Variants in CA5A observed in about 807,000 individuals in gnomAD.
The protein encoded by CA5A is carbonic anhydrase 5A, mitochondrial.
CA5A carries 28 observed loss-of-function variants against 37.1 expected under a neutral mutation model. The observed-to-expected ratio is 0.75, with a 90% confidence interval of 0.56 to 1.03. CA5A has a LOEUF of 1.03. CA5A is among the 50% of genes least tolerant of loss of function. The pLI is 0.00. For missense variants in CA5A, 444 were observed against 399.9 expected, an observed-to-expected ratio of 1.11 and a Z score of -0.94; for synonymous variants, 171 against 158.4, an observed-to-expected ratio of 1.08 and a Z score of -0.60.
chr16:87,908,013 C>T (rs1266380669), intron 2 of CA5A, among the ~76,000 whole-genome samples: 2 of 152,146 alleles, frequency 1.3e-5, no homozygotes, highest in Non-Finnish European at 2.9e-5. Context: ...AAGGGGTCAT[C>T]GAAGGCACAC....
At chr16:87,891,774 C>G in intron 6 of CA5A, 25 bp downstream of exon 6, 1 of 1,474,766 alleles carries the variant, frequency 6.8e-7, no homozygotes, top group East Asian at 2.7e-5. Context: ...GAAGCGCCAT[C>G]GTGCCAGTTA....
downstream of CA5A, chr16:87,887,879 C>T (rs753227234): frequency 4.7e-6 from 2 of 426,192 alleles, no homozygotes; most frequent in Non-Finnish European, 8.2e-6. Flanking sequence ...TGTGGTACTT[C>T]GTTACAGTGA....
chr16:87,888,135 C>T lies in CA5A; in HGVS notation c.912G>A (p.Arg304=). 6.2e-7 allele frequency: 1 copy of T among 1,612,594 alleles called. No homozygotes were observed. The highest frequency in any genetic ancestry group is 8.5e-7 in the Non-Finnish European group (1 of 1,179,038). ...TCATGTGGACCTAATGTCTCTAGGA[C>T]CTTGTGCCCTCATTAGTGGCCTGGA... ...ASFQATNEGT[R]S is the part of the protein sequence containing the mutation. The change falls in exon 7 of 7, where the codon AGG becomes AGA. Residue 304 remains arginine, a synonymous_variant. Transcript: ENST00000649794.
At chr16:87,906,834 CTTCTA>C (rs1357756846) in intron 2 of CA5A, among the ~76,000 whole-genome samples, 1 of 152,172 alleles carries the variant, frequency 6.6e-6, no homozygotes, top group Non-Finnish European at 1.5e-5. Flanking sequence ...ATGAGCAAAT[CTTCTA>C]TTCTCCTTAA....
At chr16:87,892,547 AATAATAAT>A (rs2055733823) in intron 5 of CA5A, among the ~76,000 whole-genome samples, 1 of 137,784 alleles carries the variant, frequency 7.3e-6, no homozygotes, top group African/African-American at 2.7e-5. Context: ...TAATAATAAT[AATAATAAT>A]AAATTAATTA....
chr16:87,928,347 A>G (rs1320594332), intron 1 of CA5A, among the ~76,000 whole-genome samples: 11 of 152,078 alleles, frequency 7.2e-5, no homozygotes, highest in Non-Finnish European at 1.5e-5. Flanking sequence ...CATTTTTTGT[A>G]GAGACGAGGT....
intron 2 of CA5A, among the ~76,000 whole-genome samples, chr16:87,924,887 C>T (rs184336158): frequency 3.3e-4 from 50 of 152,332 alleles, no homozygotes; most frequent in Non-Finnish European, 5.6e-4. Flanking sequence ...TGCTGAGTGC[C>T]GGCCTGGGGT....
chr16:87,907,485 G>A (rs1349999394), intron 2 of CA5A, among the ~76,000 whole-genome samples: 3 of 152,206 alleles, frequency 2.0e-5, no homozygotes, highest in Non-Finnish European at 4.4e-5. Flanking sequence ...GGAAATTCAC[G>A]CATGTCTGTA....
At chr16:87,906,402 C>T (rs1266621418) in intron 2 of CA5A, among the ~76,000 whole-genome samples, 7 of 152,046 alleles carry the variant, frequency 4.6e-5, no homozygotes, top group African/African-American at 1.2e-4. Context: ...CCGAGGCGGG[C>T]GGATCACTTG....
rs1209892246 is a variant in CA5A, at chr16:87,911,219, T to A, written c.341-6315A>T. On this transcript the variant is annotated intron_variant, in intron 2 of 6. Transcript: ENST00000649794. The surrounding 1 kb of genome is among the most constrained non-coding windows in gnomAD (Gnocchi z 4.6). ...TGGTCCACCGGGCAGCACTGGCCACTGTTGCCTCAGCGTTCTGTGTAAGCA... is the reference window on the plus strand; with the variant it reads ...TGGTCCACCGGGCAGCACTGGCCACAGTTGCCTCAGCGTTCTGTGTAAGCA... Among the ~76,000 whole-genome samples, 4 of 151,936 alleles carry A rather than the reference T, an allele frequency of 2.6e-5. No individual in the cohort carries two copies. Among genetic ancestry groups the A allele is most frequent in the Non-Finnish European group, 5.9e-5 (4 of 68,012 alleles).
chr16:87,922,678 G>A (rs2056247392), intron 2 of CA5A, among the ~76,000 whole-genome samples: 1 of 152,232 alleles, frequency 6.6e-6, no homozygotes, highest in Admixed American at 6.5e-5. Context: ...CTGGGCCCTG[G>A]GCCAGCTGCC....
At chr16:87,895,317 G>A (rs530419267) in intron 5 of CA5A, among the ~76,000 whole-genome samples, 6 of 152,234 alleles carry the variant, frequency 3.9e-5, no homozygotes, top group South Asian at 4.1e-4. Flanking sequence ...AGGCCGAGGC[G>A]GATGGATCAC....
intron 1 of CA5A, among the ~76,000 whole-genome samples, chr16:87,934,154 C>G (rs887183768): frequency 6.6e-6 from 1 of 152,274 alleles, no homozygotes; most frequent in Non-Finnish European, 1.5e-5. Flanking sequence ...GAGCCATGTG[C>G]TGTCCCCAGC....
At chr16:87,904,723 C>T (rs1187363472) in intron 3 of CA5A, 63 bp downstream of exon 3, 17 of 1,023,850 alleles carry the variant, frequency 1.7e-5, no homozygotes, top group Non-Finnish European at 2.3e-5. Context: ...TGTTCACCCC[C>T]CACCATAGAG....
chr16:87,899,484 G>A (rs1219356684), intron 5 of CA5A, among the ~76,000 whole-genome samples: 2 of 150,504 alleles, frequency 1.3e-5, no homozygotes, highest in Admixed American at 6.6e-5. Flanking sequence ...TGTATTTTTA[G>A]TAGAGATGAG....
intron 5 of CA5A, among the ~76,000 whole-genome samples, chr16:87,898,384 C>T (rs1404744730): frequency 6.6e-6 from 1 of 152,208 alleles, no homozygotes; most frequent in Non-Finnish European, 1.5e-5. Context: ...TGGCCCTGTC[C>T]TGCCCTGCAC....
chr16:87,932,695 G>A (rs1288263414), intron 1 of CA5A, among the ~76,000 whole-genome samples: 5 of 152,046 alleles, frequency 3.3e-5, no homozygotes, highest in East Asian at 1.9e-4. Context: ...AATCAAAGAC[G>A]CCAAGTCCCC....
intron 1 of CA5A, among the ~76,000 whole-genome samples, chr16:87,932,462 G>C (rs2144101927): frequency 6.6e-6 from 1 of 152,314 alleles, no homozygotes; most frequent in African/African-American, 2.4e-5. Context: ...CCCAACAAAA[G>C]GGCTCATTGC....
intron 2 of CA5A, among the ~76,000 whole-genome samples, chr16:87,917,703 G>A (rs1402619849): frequency 3.3e-5 from 4 of 119,480 alleles, no homozygotes; most frequent in East Asian, 2.0e-4. Context: ...ACCCGCACAC[G>A]AACACACACA....
Sources: gnomAD v4.1 joint callset for allele counts (sites outside exome capture counted in the v4.1 genomes callset) on GRCh38, gnomAD v4.1.1 for gene constraint, Gnocchi (gnomAD v3.1) non-coding constraint, MANE v1.5 for transcripts, NCBI Gene and HGNC (gene_info 2026-07-23, HGNC 2026-07-21) for gene names.